Variants in ANKFN1 observed in about 807,000 individuals in gnomAD.
The protein encoded by ANKFN1 is ankyrin repeat and fibronectin type III domain containing 1, also known as ankyrin repeat and fibronectin type-III domain-containing protein 1.
Under a neutral mutation model 108.7 loss-of-function variants are expected in ANKFN1, and 74 were observed. The observed-to-expected ratio is 0.68, with a 90% confidence interval of 0.56 to 0.83. ANKFN1 has a LOEUF of 0.83. Among genes scored for constraint, ANKFN1 ranks in the 40% least tolerant of loss-of-function variants. ANKFN1 has a pLI of 0.00. For synonymous variants in ANKFN1, 547 were observed against 516.2 expected, an observed-to-expected ratio of 1.06 and a Z score of -0.81; for missense variants, 1,505 against 1,382.3, an observed-to-expected ratio of 1.09 and a Z score of -1.41.
chr17:56,098,417 A>AACACACAC (rs139037719), intron 4 of ANKFN1, among the ~76,000 whole-genome samples: 57 of 146,590 alleles, frequency 3.9e-4, no homozygotes, highest in African/African-American at 1.5e-3. Context: ...CATACACACA[A>AACACACAC]ACACACACAC....
Position 56,512,091 on chromosome 17 carries a change from A to T in ANKFN1, c.*822A>T, listed in dbSNP as rs570607451. Among the ~76,000 whole-genome samples, 1 of 152,272 alleles carries T rather than the reference A, an allele frequency of 6.6e-6. No homozygotes were observed. Among genetic ancestry groups the T allele is most frequent in the South Asian group, 2.1e-4 (1 of 4,830 alleles). On this transcript the variant is annotated 3_prime_UTR_variant, in exon 21 of 21. Transcript: ENST00000682825. ...TAAGCAAAGTGAAAGCCTGAATTAC[A>T]GATAAGACAGGGGAGGGAGAGAGAC... is the stretch of plus-strand genomic sequence containing the variant.
At chr17:56,440,464 A>G (rs775277860) in intron 9 of ANKFN1, 40 bp downstream of exon 9, 1 of 1,523,736 alleles carries the variant, frequency 6.6e-7, no homozygotes, top group East Asian at 2.3e-5. Flanking sequence ...CCTATTGCTG[A>G]TATTTGTGCT....
chr17:56,473,667 A>G (rs1427537606), intron 15 of ANKFN1: 2 of 151,888 alleles, frequency 1.3e-5, no homozygotes. Flanking sequence ...AAAAAAAAAA[A>G]AAAAGATGGC....
intron 4 of ANKFN1, among the ~76,000 whole-genome samples, chr17:56,106,156 G>T (rs1245774453): frequency 1.3e-5 from 2 of 152,094 alleles, no homozygotes; most frequent in African/African-American, 4.8e-5. Context: ...GGATACTATT[G>T]TCTCCATTTT....
chr17:56,050,652 C>G (rs914276507), intron 4 of ANKFN1, among the ~76,000 whole-genome samples: 1 of 151,482 alleles, frequency 6.6e-6, no homozygotes, highest in East Asian at 1.9e-4. Context: ...AATAGGGAAT[C>G]CTTTCCCCAT....
chr17:56,280,827 C>T (rs1231687473), intron 3 of ANKFN1, among the ~76,000 whole-genome samples: 7 of 152,054 alleles, frequency 4.6e-5, no homozygotes, highest in Non-Finnish European at 7.4e-5. Context: ...TGGCTATGTC[C>T]CCACCCAAAT....
intron 18 of ANKFN1, among the ~76,000 whole-genome samples, chr17:56,486,752 A>G (rs1376917348): frequency 6.6e-6 from 1 of 152,250 alleles, no homozygotes. Context: ...AGAACTCAGA[A>G]AATTTTAATA....
At chr17:56,419,810 CAAAAA>C (rs5821128) in intron 8 of ANKFN1, among the ~76,000 whole-genome samples, 13 of 102,074 alleles carry the variant, frequency 1.3e-4, no homozygotes, top group Non-Finnish European at 2.0e-4. Flanking sequence ...GACCCTGTCT[CAAAAA>C]AAAAAAAAAA....
At position 56,513,725 on chromosome 17, in the gene ANKFN1, A is replaced by T. The variant is rs2051840469; in HGVS notation, c.*2456A>T. ...CCTGCTATTTTATATTGGGGACATA[A>T]GGTTACTTTTTCATCTTCTGTGAGG... On this transcript the variant is annotated 3_prime_UTR_variant, in exon 21 of 21. Coordinates refer to ENST00000682825, the MANE Select transcript of ANKFN1 (RefSeq NM_001370326.1). Among the ~76,000 whole-genome samples, 1 of 152,228 alleles carries T rather than the reference A, an allele frequency of 6.6e-6. No homozygotes were observed. Among genetic ancestry groups the T allele is most frequent in the Non-Finnish European group, 1.5e-5 (1 of 68,034 alleles).
chr17:56,242,788 G>A (rs567929475), intron 3 of ANKFN1, among the ~76,000 whole-genome samples: 4 of 152,126 alleles, frequency 2.6e-5, no homozygotes, highest in South Asian at 4.1e-4. Flanking sequence ...TAGGAATAAT[G>A]TGTGCTGTAT....
chr17:56,183,635 C>T (rs1911895479), intron 1 of ANKFN1, among the ~76,000 whole-genome samples: 1 of 152,108 alleles, frequency 6.6e-6, no homozygotes, highest in Non-Finnish European at 1.5e-5. Flanking sequence ...AGTAAAAATT[C>T]CCTGAGACCT....
At chr17:56,487,026 G>A (rs113357973) in intron 18 of ANKFN1, among the ~76,000 whole-genome samples, 16 of 152,254 alleles carry the variant, frequency 1.1e-4, no homozygotes, top group African/African-American at 3.6e-4. Flanking sequence ...AATGATAAAG[G>A]AGCTTAGTTC....
intron 6 of ANKFN1, among the ~76,000 whole-genome samples, chr17:56,366,527 C>G (rs2046666676): frequency 6.6e-6 from 1 of 152,214 alleles, no homozygotes; most frequent in Admixed American, 6.5e-5. Flanking sequence ...AAAGCAACCT[C>G]CAGTCCTGTA....
At chr17:56,322,477 C>CTA (rs2045399803) in intron 3 of ANKFN1, among the ~76,000 whole-genome samples, 4 of 152,214 alleles carry the variant, frequency 2.6e-5, no homozygotes, top group Admixed American at 2.6e-4. Flanking sequence ...TCACTGTCAC[C>CTA]TATGGCATAA....
chr17:56,446,399 A>G (rs935441996), intron 10 of ANKFN1, among the ~76,000 whole-genome samples: 16 of 152,218 alleles, frequency 1.1e-4, no homozygotes, highest in African/African-American at 3.9e-4. Context: ...AATCTATGAC[A>G]GCAACGTTTA....
intron 2 of ANKFN1, among the ~76,000 whole-genome samples, chr17:56,223,163 T>C (rs983742221): frequency 2.6e-5 from 4 of 152,132 alleles, no homozygotes; most frequent in African/African-American, 9.7e-5. Flanking sequence ...TACATATCTA[T>C]GGATAAAAGT....
At chr17:56,431,428 G>C (rs975629709) in intron 8 of ANKFN1, among the ~76,000 whole-genome samples, 17 of 152,246 alleles carry the variant, frequency 1.1e-4, no homozygotes, top group African/African-American at 4.1e-4. Flanking sequence ...ATGACCTAAG[G>C]CTCAGAAATT....
At chr17:56,372,936 A>G (rs1266309793) in intron 7 of ANKFN1, 96 bp downstream of exon 7, 2 of 1,270,540 alleles carry the variant, frequency 1.6e-6, no homozygotes, top group Non-Finnish European at 2.2e-6. Context: ...TCAGCTCTAC[A>G]GAGTCATGGA....
At position 56,372,632 on chromosome 17, in the gene ANKFN1, T is replaced by C; in HGVS notation, c.602-14T>C. The C allele has an allele frequency of 6.2e-7, 1 of 1,607,218 alleles. No homozygotes were observed. The highest frequency in any genetic ancestry group is 8.5e-7 in the Non-Finnish European group (1 of 1,176,794). Reference sequence around the variant, plus strand: ...CAGAAAGAAAGAGAAGTAATCCCATTTCTTTCCCTTTAGTTGTCAGCCTGG... The same window carrying C: ...CAGAAAGAAAGAGAAGTAATCCCATCTCTTTCCCTTTAGTTGTCAGCCTGG... On this transcript the variant is annotated splice_polypyrimidine_tract_variant and intron_variant, in intron 6 of 20. Transcript: ENST00000682825.
Sources: allele counts gnomAD v4.1 joint callset (sites outside exome capture counted in the v4.1 genomes callset), GRCh38; gene constraint gnomAD v4.1.1; transcripts MANE v1.5; gene names NCBI Gene and HGNC (gene_info 2026-07-23, HGNC 2026-07-21).